ANO3: variants seen among roughly 807,000 people sequenced by gnomAD.
The protein encoded by ANO3 is anoctamin 3, also known as anoctamin-3.
Under a neutral mutation model 144.8 loss-of-function variants are expected in ANO3, and 99 were observed. The observed-to-expected ratio is 0.68, with a 90% confidence interval of 0.58 to 0.81. The LOEUF (loss-of-function observed/expected upper bound fraction) is 0.81. Ranked by LOEUF, ANO3 falls within the 30% of genes least tolerant of loss-of-function variation. The pLI is 0.00. For missense variants in ANO3, 905 were observed against 1,202.2 expected (o/e 0.75, Z 3.66); for synonymous variants, 414 against 392.6 (o/e 1.05, Z -0.64).
chr11:26,235,375 G>A (rs908999014), intron 1 of ANO3, among the ~76,000 whole-genome samples: 1 of 152,190 alleles, frequency 6.6e-6, no homozygotes, highest in Non-Finnish European at 1.5e-5. Flanking sequence ...TTAAATGTGT[G>A]TGTATGTGTG....
chr11:26,235,766 TGTC>T (rs137904634), intron 1 of ANO3, among the ~76,000 whole-genome samples: 2,237 of 151,988 alleles, frequency 0.015, 43 homozygotes, highest in East Asian at 0.11. Flanking sequence ...GACCATTTTG[TGTC>T]GTCCCCCCAC....
At position 26,332,219 on chromosome 11, in the gene ANO3, T is replaced by G. The variant is rs1590267125; in HGVS notation, c.-57T>G. 1 of 1,613,912 alleles carries G rather than the reference T, an allele frequency of 6.2e-7. No homozygotes were observed. The highest frequency in any genetic ancestry group is 1.3e-5 in the African/African-American group (1 of 74,904). ...TGGAGCGTCTAGAGTCTGGCTACTG[T>G]TCCTCCGCCTCCCTCTCGGGCAGCT... On this transcript the variant is annotated 5_prime_UTR_variant, in exon 1 of 27. Transcript: ENST00000256737.
intron 14 of ANO3, among the ~76,000 whole-genome samples, chr11:26,569,060 A>G (rs1400770180): frequency 6.6e-6 from 1 of 152,014 alleles, no homozygotes; most frequent in Admixed American, 6.6e-5. Context: ...ATATTATGTG[A>G]GAGACATGGC....
chr11:26,553,748 G>C (rs1023068532), intron 13 of ANO3, among the ~76,000 whole-genome samples: 1 of 152,066 alleles, frequency 6.6e-6, no homozygotes, highest in South Asian at 2.1e-4. Context: ...ATTGCTGCCT[G>C]TTAGAATTAA....
At chr11:26,640,062 A>G (rs1853098331) in intron 21 of ANO3, among the ~76,000 whole-genome samples, 1 of 152,084 alleles carries the variant, frequency 6.6e-6, no homozygotes, top group South Asian at 2.1e-4. Flanking sequence ...ATTCTTGAAC[A>G]AAGATCTGGG....
intron 1 of ANO3, among the ~76,000 whole-genome samples, chr11:26,418,257 A>G (rs1195328170): frequency 1.3e-5 from 2 of 152,050 alleles, no homozygotes; most frequent in African/African-American, 4.8e-5. Context: ...TAGTCAGGGT[A>G]TGTTTGGGTT....
intron 1 of ANO3, among the ~76,000 whole-genome samples, chr11:26,261,415 G>C (rs1296150947): frequency 2.6e-5 from 4 of 152,074 alleles, no homozygotes; most frequent in Non-Finnish European, 4.4e-5. Context: ...AACATATCCG[G>C]AGAGGCTAAA....
chr11:26,297,601 A>G (rs117776857), intron 1 of ANO3, among the ~76,000 whole-genome samples: 1 of 152,182 alleles, frequency 6.6e-6, no homozygotes, highest in East Asian at 1.9e-4. Flanking sequence ...AAAATAAAAG[A>G]CTGGTCATTT....
intron 1 of ANO3, among the ~76,000 whole-genome samples, chr11:26,283,714 T>C (rs1184916800): frequency 6.6e-6 from 1 of 152,090 alleles, no homozygotes; most frequent in Non-Finnish European, 1.5e-5. Context: ...ACACCAACTT[T>C]CCAGGGTACT....
intron 1 of ANO3, among the ~76,000 whole-genome samples, chr11:26,190,925 T>A (rs1851462758): frequency 6.6e-6 from 1 of 152,234 alleles, no homozygotes; most frequent in African/African-American, 2.4e-5. Flanking sequence ...TCAATATTCC[T>A]TAACATTTAT....
At chr11:26,213,120 T>C (rs1052171915) in intron 1 of ANO3, among the ~76,000 whole-genome samples, 3 of 152,112 alleles carry the variant, frequency 2.0e-5, no homozygotes, top group African/African-American at 7.2e-5. Flanking sequence ...TGTGTATTGA[T>C]GAAACGTTAT....
At chr11:26,428,760 T>C (rs899707777) in intron 1 of ANO3, among the ~76,000 whole-genome samples, 3 of 152,106 alleles carry the variant, frequency 2.0e-5, no homozygotes, top group African/African-American at 7.2e-5. Flanking sequence ...TGTGTATGTG[T>C]TTATCAGTCT....
intron 17 of ANO3, among the ~76,000 whole-genome samples, chr11:26,616,388 T>C (rs1333251829): frequency 6.6e-6 from 1 of 151,752 alleles, no homozygotes; most frequent in Non-Finnish European, 1.5e-5. Flanking sequence ...AATTATCTTC[T>C]CCTCCCATTA....
At chr11:26,291,428 T>A (rs548808150) in intron 1 of ANO3, among the ~76,000 whole-genome samples, 10 of 152,318 alleles carry the variant, frequency 6.6e-5, no homozygotes, top group African/African-American at 2.4e-4. Context: ...AATATTGTTA[T>A]GTGTGAATTA....
intron 1 of ANO3, among the ~76,000 whole-genome samples, chr11:26,251,031 G>A (rs1852916561): frequency 6.6e-6 from 1 of 152,028 alleles, no homozygotes; most frequent in African/African-American, 2.4e-5. Context: ...CTCTTATACT[G>A]ATCAGCATCA....
chr11:26,565,210 T>C (rs1446750202), intron 14 of ANO3: 2 of 1,510,210 alleles, frequency 1.3e-6, no homozygotes, highest in Non-Finnish European at 1.8e-6. Context: ...GAATTATTGG[T>C]GAATTTTAAG....
At chr11:26,330,881 T>C (rs1855020964), upstream of ANO3, among the ~76,000 whole-genome samples, 1 of 152,220 alleles carries the variant, frequency 6.6e-6, no homozygotes, top group African/African-American at 2.4e-5. Context: ...TATCTGCTTT[T>C]ATTTGGATTA....
intron 4 of ANO3, among the ~76,000 whole-genome samples, chr11:26,482,998 T>A (rs1860286076): frequency 6.6e-6 from 1 of 152,182 alleles, no homozygotes; most frequent in Non-Finnish European, 1.5e-5. Context: ...TGATTACCTA[T>A]CTTTGCTATT....
At chr11:26,207,333 T>C (rs1851819409) in intron 1 of ANO3, among the ~76,000 whole-genome samples, 1 of 152,198 alleles carries the variant, frequency 6.6e-6, no homozygotes, top group African/African-American at 2.4e-5. Flanking sequence ...GTGTGTTTGC[T>C]TTTTAGAAGT....
Sources: gnomAD v4.1 joint callset for allele counts (sites outside exome capture counted in the v4.1 genomes callset) on GRCh38, gnomAD v4.1.1 for gene constraint, MANE v1.5 for transcripts, NCBI Gene and HGNC (gene_info 2026-07-23, HGNC 2026-07-21) for gene names.